TLCD1: variants seen among roughly 807,000 people sequenced by gnomAD.
The protein encoded by TLCD1 is TLC domain-containing protein 1.
Under a neutral mutation model 21.2 loss-of-function variants are expected in TLCD1, and 21 were observed. The ratio of observed to expected loss-of-function variants is 0.99; its 90% CI spans 0.70 to 1.42. The LOEUF is 1.42. Among genes scored for constraint, TLCD1 ranks in the 40% most tolerant of loss-of-function variants. TLCD1 has a pLI of 0.00. For synonymous variants in TLCD1, 168 were observed against 134.8 expected, an observed-to-expected ratio of 1.25 and a Z score of -1.71; for missense variants, 344 against 330.3, an observed-to-expected ratio of 1.04 and a Z score of -0.32.
In TLCD1 at chr17:28,724,711, G is replaced by A. The variant is rs1459599613; in HGVS notation, c.543C>T (p.Leu181=). The change falls in exon 4 of 4, where the codon CTC becomes CTT. Residue 181 remains leucine, a synonymous_variant. Coordinates refer to ENST00000292090, the MANE Select transcript of TLCD1 (RefSeq NM_138463.4). ...NKYVNLVMYF[L]FRLAPQAYLT... is the part of the protein sequence containing the mutation. ...GGTAGGCCTGAGGGGCCAGGCGGAA[G>A]AGAAAGTACATGACCAGGTTCACAT... 1 of 1,614,102 alleles carries A rather than the reference G, an allele frequency of 6.2e-7. No individual in the cohort carries two copies. Among genetic ancestry groups the A allele is most frequent in the Non-Finnish European group, 8.5e-7 (1 of 1,180,056 alleles).
upstream of TLCD1, chr17:28,726,637 C>T: frequency 1.1e-6 from 1 of 951,032 alleles, no homozygotes; most frequent in Non-Finnish European, 1.6e-6. Context: ...CACGCCCACG[C>T]CCCCTAAGTC....
upstream of TLCD1, chr17:28,726,748 G>A: frequency 1.3e-6 from 2 of 1,548,820 alleles, no homozygotes; most frequent in Non-Finnish European, 1.7e-6. Flanking sequence ...CCGGAGTCCC[G>A]TGTTTACCTG....
chr17:28,727,453 C>T (rs1236365307), upstream of TLCD1: 1 of 152,918 alleles, frequency 6.5e-6, no homozygotes, highest in East Asian at 1.9e-4. Context: ...TGAGCCAGCG[C>T]CCTTCCAGCA....
chr17:28,725,172 T>C, intron 3 of TLCD1, 132 bp downstream of exon 3: 1 of 1,068,162 alleles, frequency 9.4e-7, no homozygotes, highest in Non-Finnish European at 1.4e-6. Context: ...TCCAGCATCC[T>C]AGCATAAGAA....
rs1287304554 is a variant in TLCD1, at chr17:28,724,462, A to T, written c.*48T>A. ...GGGCTAAGTCCCAGTGTCCATATGA[A>T]GCTGTTTCTGGCCTTGTCCGTTTTT... On this transcript the variant is annotated 3_prime_UTR_variant, in exon 4 of 4. Transcript: ENST00000292090. 15 of 1,586,770 alleles carry T rather than the reference A, an allele frequency of 9.5e-6. No individual in the cohort carries two copies. In the Admixed American group the frequency reaches 1.5e-4, roughly 16 times the overall value.
rs756648163 is a variant in TLCD1 at position 28,725,571 on chromosome 17, G to A, written c.195-8C>T. On this transcript the variant is annotated splice_region_variant and splice_polypyrimidine_tract_variant and intron_variant, in intron 1 of 3. Coordinates refer to ENST00000292090, the MANE Select transcript of TLCD1 (RefSeq NM_138463.4). ...TCAGGAGTCTGCCATACACTGGAAA[G>A]GAGGGAAGAGGAGGCTCTGCATTTC... is the stretch of plus-strand genomic sequence containing the variant. 7 of 1,613,542 alleles carry A rather than the reference G, an allele frequency of 4.3e-6. No homozygotes were observed. Among genetic ancestry groups the A allele is most frequent in the African/African-American group, 1.3e-5 (1 of 74,888 alleles).
At chr17:28,725,022 G>C in intron 3 of TLCD1, 129 bp from the exon 4 acceptor site, 2 of 1,054,652 alleles carry the variant, frequency 1.9e-6, no homozygotes, top group Non-Finnish European at 2.7e-6. Flanking sequence ...AGTTTATAGT[G>C]GGTAAGATGC....
Position 28,725,291 on chromosome 17 carries a change from G to A in TLCD1, c.360+13C>T. On this transcript the variant is annotated intron_variant, in intron 3 of 3. Coordinates refer to ENST00000292090, the MANE Select transcript of TLCD1 (RefSeq NM_138463.4). ...ACACCAGGCCTATACCACATAGTCT[G>A]CTTCTCTCTTACCATGACGTGATGG... 6.2e-7 allele frequency: 1 copy of A among 1,613,844 alleles called. No homozygotes were observed. The highest frequency in any genetic ancestry group is 1.7e-5 in the Admixed American group (1 of 60,018).
At position 28,725,354 on chromosome 17, in the gene TLCD1, C is replaced by G. The variant is rs2034204923; in HGVS notation, c.310G>C (p.Ala104Pro). The G allele has an allele frequency of 1.9e-6, 3 of 1,614,142 alleles. No homozygotes were observed. Among genetic ancestry groups the G allele is most frequent in the Non-Finnish European group, 2.5e-6 (3 of 1,180,032 alleles). ...CAAGAGGCTCGCGTCTGTCCGCTAG[C>G]CACGATGTCCACCGTATCGTGGATG... ...YFIHDTVDIV[A>P]SGQTRASWEY... Residue 104 changes from alanine to proline, a missense_variant, in exon 3 of 4, where the codon GCT becomes CCT. Transcript: ENST00000292090.
chr17:28,725,650 C>A, intron 1 of TLCD1, 87 bp from the exon 2 acceptor site: 1 of 1,429,360 alleles, frequency 7.0e-7, no homozygotes, highest in Non-Finnish European at 9.8e-7. Flanking sequence ...CCCGGGGGAT[C>A]CTGGGCTCGC....
upstream of TLCD1, chr17:28,726,308 C>A: frequency 4.9e-6 from 5 of 1,022,744 alleles, no homozygotes; most frequent in Non-Finnish European, 6.1e-6. Context: ...CCGCCCCGCC[C>A]GCCTGCCCCC....
intron 2 of TLCD1, 35 bp downstream of exon 2, chr17:28,725,446 C>T (rs752845115): frequency 3.1e-6 from 5 of 1,614,078 alleles, no homozygotes; most frequent in Non-Finnish European, 4.2e-6. Flanking sequence ...TCTCCCTGTC[C>T]CCAATTTGCC....
chr17:28,725,661 G>T, intron 1 of TLCD1, 98 bp from the exon 2 acceptor site: 1 of 1,346,924 alleles, frequency 7.4e-7, no homozygotes, highest in Non-Finnish European at 1.0e-6. Flanking sequence ...CTGGGCTCGC[G>T]CTAGTGGCTG....
rs1308319033 is a variant in TLCD1 at position 28,724,354 on chromosome 17, G to A, written c.*156C>T. 4.1e-6 allele frequency: 4 copies of A among 972,028 alleles called. No individual in the cohort carries two copies. The African/African-American group carries it at 4.9e-5, about 12-fold the overall frequency. 60.2% of individuals were successfully genotyped at this position (972,028 alleles called of 1,614,324 possible). ...CCCAATAAAGGACAAGGACTTCAGA[G>A]GAGTACTTTCATTAGTGTTTTCAAT... On this transcript the variant is annotated 3_prime_UTR_variant, in exon 4 of 4. Coordinates refer to ENST00000292090, the MANE Select transcript of TLCD1 (RefSeq NM_138463.4).
chr17:28,726,784 AC>A (rs768426132), upstream of TLCD1: 7 of 1,549,002 alleles, frequency 4.5e-6, no homozygotes, highest in Non-Finnish European at 6.1e-6. Context: ...CGAGGTGGGC[AC>A]TTGGGAACTG....
At chr17:28,725,036 G>A in intron 3 of TLCD1, 143 bp from the exon 4 acceptor site, 13 of 984,432 alleles carry the variant, frequency 1.3e-5, no homozygotes, top group Non-Finnish European at 1.9e-5. Context: ...AAGATGCTTT[G>A]TTTTGTTAGT....
In TLCD1 at chr17:28,726,179, G is replaced by A; in HGVS notation, c.-82C>T. The A allele has an allele frequency of 1.5e-6, 2 of 1,376,434 alleles. No homozygotes were observed. Among genetic ancestry groups the A allele is most frequent in the Non-Finnish European group, 1.9e-6 (2 of 1,073,486 alleles). 85.3% of individuals were successfully genotyped at this position (1,376,434 alleles called of 1,614,324 possible). Reference sequence around the variant, plus strand: ...CGGGATCCCTCTCGGGCCAGTCCAGGCCGGCCGCCTCTCCCGCCGGCCGCC... The same window carrying A: ...CGGGATCCCTCTCGGGCCAGTCCAGACCGGCCGCCTCTCCCGCCGGCCGCC... On this transcript the variant is annotated 5_prime_UTR_variant, in exon 1 of 4. Coordinates refer to ENST00000292090, the MANE Select transcript of TLCD1 (RefSeq NM_138463.4).
chr17:28,724,925 C>A (rs1395267794), intron 3 of TLCD1, 32 bp from the exon 4 acceptor site: 6 of 1,586,004 alleles, frequency 3.8e-6, no homozygotes, highest in Non-Finnish European at 4.3e-6. Context: ...AGTTAGGGAA[C>A]CCAGATGCAG....
In TLCD1 at chr17:28,726,028, G is replaced by A; in HGVS notation, c.70C>T (p.Arg24Cys). The change falls in exon 1 of 4, where the codon CGC (arginine) becomes TGC (cysteine). Residue 24 changes from arginine to cysteine, a missense_variant. By Grantham distance (180) the Arg-to-Cys change is radical. Transcript: ENST00000292090. ...GATLTFRALR[R>C]ALCRLPLPVH... ...GGTAGGGGCAGGCGACAGAGCGCGC[G>A]CCGGAGCGCCCGGAAGGTCAGCGTG... is the stretch of plus-strand genomic sequence containing the variant. The A allele has an allele frequency of 6.3e-7, 1 of 1,593,498 alleles. No individual in the cohort carries two copies. Among genetic ancestry groups the A allele is most frequent in the Non-Finnish European group, 8.5e-7 (1 of 1,172,268 alleles).
Sources: allele counts gnomAD v4.1 joint callset, GRCh38; gene constraint gnomAD v4.1.1; transcripts MANE v1.5; gene names NCBI Gene and HGNC (gene_info 2026-07-23, HGNC 2026-07-21).